KLHL29: variants seen among roughly 807,000 people sequenced by gnomAD.
KLHL29 encodes kelch-like protein 29.
KLHL29 carries 21 observed loss-of-function variants against 80.4 expected under a neutral mutation model. The ratio of observed to expected loss-of-function variants is 0.26; its 90% confidence interval spans 0.19 to 0.38. The LOEUF (loss-of-function observed/expected upper bound fraction) is 0.38, where lower values mean the gene tolerates loss of function less well. Ranked by LOEUF, KLHL29 falls within the 10% of genes least tolerant of loss-of-function variation. The pLI is 1.00. For synonymous variants in KLHL29, 511 were observed against 526.8 expected (o/e 0.97, Z 0.41); for missense variants, 867 against 1,223.9 (o/e 0.71, Z 4.35).
rs779007488 is a variant in KLHL29 at position 23,693,261 on chromosome 2, G to T, written c.1283-8G>T. 6.5e-7 allele frequency: 1 copy of T among 1,538,980 alleles called. No homozygotes were observed. The highest frequency in any genetic ancestry group is 1.2e-5 in the South Asian group (1 of 83,666). ...TTTGGGTCAGTGGTCCTGCGCTGTCGCCCCCAGAGAAGCAGCTGACGGCCA... is the reference window on the plus strand; with the variant it reads ...TTTGGGTCAGTGGTCCTGCGCTGTCTCCCCCAGAGAAGCAGCTGACGGCCA... On this transcript the variant is annotated splice_region_variant and splice_polypyrimidine_tract_variant and intron_variant, in intron 7 of 13. Transcript: ENST00000486442.
intron 2 of KLHL29, among the ~76,000 whole-genome samples, chr2:23,505,849 T>C (rs1371007564): frequency 6.6e-6 from 1 of 152,202 alleles, no homozygotes; most frequent in Non-Finnish European, 1.5e-5. Context: ...CTCCCAGCCC[T>C]TCCCCTACAG....
intron 1 of KLHL29, among the ~76,000 whole-genome samples, chr2:23,386,797 TAGGTCGGAGGTGGCTCTTAGGGC>T (rs1408058742): frequency 6.6e-6 from 1 of 151,258 alleles, no homozygotes; most frequent in African/African-American, 2.4e-5. Context: ...GGAGCCGGGG[TAGGTCGGAGGTGGCTCTTAGGGC>T]AGGTCGCCTC....
chr2:23,678,260 A>T (rs1670975975), intron 5 of KLHL29, among the ~76,000 whole-genome samples: 1 of 152,172 alleles, frequency 6.6e-6, no homozygotes, highest in African/African-American at 2.4e-5. Flanking sequence ...CCCTCGTGCC[A>T]CTTGCCGCTG....
At chr2:23,541,658 A>G (rs915951387) in intron 2 of KLHL29, among the ~76,000 whole-genome samples, 20 of 151,872 alleles carry the variant, frequency 1.3e-4, no homozygotes, top group African/African-American at 4.8e-4. Flanking sequence ...AGAGGCAGCA[A>G]CCCTTCCCAG....
chr2:23,394,603 A>G (rs1193697145), intron 1 of KLHL29, among the ~76,000 whole-genome samples: 1 of 152,248 alleles, frequency 6.6e-6, no homozygotes, highest in African/African-American at 2.4e-5. Context: ...AAGAGAGCCA[A>G]TATTCCCTTT....
At position 23,642,478 on chromosome 2, in the gene KLHL29, C is replaced by G; in HGVS notation, c.568C>G (p.Pro190Ala). The part of the protein sequence containing the change: ...APVIGVTPSL[P>A]PHVGPQLPLM... ...GGTCATTGGGGTGACCCCCTCACTG[C>G]CTCCCCACGTGGGGCCCCAGCTCCC... Residue 190 changes from proline to alanine, a missense_variant, in exon 5 of 14, where the codon CCT (proline) becomes GCT (alanine). By Grantham distance (27) the Pro-to-Ala change is conservative. Transcript: ENST00000486442. 6.6e-7 allele frequency: 1 copy of G among 1,515,672 alleles called. No individual in the cohort carries two copies. The highest frequency in any genetic ancestry group is 8.9e-7 in the Non-Finnish European group (1 of 1,127,110). The allele number at this position is 1,515,672 out of a possible 1,614,324, so 93.9% of individuals were successfully genotyped here.
chr2:23,405,318 T>C (rs1231611962), intron 1 of KLHL29, among the ~76,000 whole-genome samples: 1 of 152,202 alleles, frequency 6.6e-6, no homozygotes, highest in Non-Finnish European at 1.5e-5. Context: ...AACCGGGGAA[T>C]TGAGATGTGG....
chr2:23,521,397 C>T (rs1257366402), intron 2 of KLHL29, among the ~76,000 whole-genome samples: 3 of 152,240 alleles, frequency 2.0e-5, no homozygotes, highest in Non-Finnish European at 4.4e-5. Context: ...TCAGAAACCT[C>T]TAGCAGGACT....
At chr2:23,448,972 G>A (rs185703512) in intron 1 of KLHL29, among the ~76,000 whole-genome samples, 3 of 152,286 alleles carry the variant, frequency 2.0e-5, no homozygotes, top group Admixed American at 2.0e-4. Context: ...CAAGGCACAT[G>A]GGGAGGAAGG....
intron 1 of KLHL29, among the ~76,000 whole-genome samples, chr2:23,391,289 T>G (rs1666316739): frequency 6.7e-6 from 1 of 148,880 alleles, no homozygotes; most frequent in African/African-American, 2.6e-5. Flanking sequence ...ATTTTGTTTG[T>G]CCATTCATCT....
chr2:23,408,976 G>A (rs940133348), intron 1 of KLHL29, among the ~76,000 whole-genome samples: 2 of 152,174 alleles, frequency 1.3e-5, no homozygotes, highest in African/African-American at 4.8e-5. Flanking sequence ...GGGGTTCACA[G>A]CTCTGCCTTG....
chr2:23,652,884 CT>C (rs1433845842), intron 5 of KLHL29, among the ~76,000 whole-genome samples: 1 of 152,156 alleles, frequency 6.6e-6, no homozygotes, highest in Admixed American at 6.5e-5. Flanking sequence ...TTGGTCATTC[CT>C]TTTTGTAGAC....
At chr2:23,508,837 G>T (rs1665685968) in intron 2 of KLHL29, among the ~76,000 whole-genome samples, 1 of 152,172 alleles carries the variant, frequency 6.6e-6, no homozygotes, top group South Asian at 2.1e-4. Flanking sequence ...ATAAAGCACA[G>T]CCTAGCACAG....
intron 2 of KLHL29, among the ~76,000 whole-genome samples, chr2:23,509,561 GA>G (rs141767251): frequency 2.3e-4 from 34 of 149,960 alleles, no homozygotes; most frequent in Admixed American, 4.6e-4. Flanking sequence ...CCTTTCAAAT[GA>G]AAAAAAAATG....
At chr2:23,517,140 A>G (rs1665958123) in intron 2 of KLHL29, among the ~76,000 whole-genome samples, 1 of 152,228 alleles carries the variant, frequency 6.6e-6, no homozygotes, top group South Asian at 2.1e-4. Context: ...CGTGGAAGGC[A>G]GAGGCGCGTC....
chr2:23,407,789 G>A (rs983414524), intron 1 of KLHL29, among the ~76,000 whole-genome samples: 27 of 151,878 alleles, frequency 1.8e-4, no homozygotes, highest in Admixed American at 1.6e-3. Flanking sequence ...AAATATGATC[G>A]GAATTTAACT....
At chr2:23,549,855 C>T (rs1219355283) in intron 2 of KLHL29, among the ~76,000 whole-genome samples, 4 of 152,336 alleles carry the variant, frequency 2.6e-5, no homozygotes, top group East Asian at 1.9e-4. Flanking sequence ...GCTTGCATGG[C>T]GGGCAGAGCT....
chr2:23,420,087 C>A (rs748217817), intron 1 of KLHL29, among the ~76,000 whole-genome samples: 3 of 152,160 alleles, frequency 2.0e-5, no homozygotes, highest in Non-Finnish European at 4.4e-5. Flanking sequence ...CACGGGGGGT[C>A]CTACGTCAGC....
At chr2:23,593,439 C>T (rs913011258) in intron 3 of KLHL29, among the ~76,000 whole-genome samples, 1 of 152,150 alleles carries the variant, frequency 6.6e-6, no homozygotes, top group African/African-American at 2.4e-5. Context: ...TTTACTCTCC[C>T]CAAGCCCGGT....
Sources: gnomAD v4.1 joint callset for allele counts (sites outside exome capture counted in the v4.1 genomes callset) on GRCh38, gnomAD v4.1.1 for gene constraint, MANE v1.5 for transcripts, NCBI Gene and HGNC (gene_info 2026-07-23, HGNC 2026-07-21) for gene names.